OSBPL9: variants seen among roughly 807,000 people sequenced by gnomAD.
The protein encoded by OSBPL9 is oxysterol binding protein like 9.
OSBPL9 carries 40 observed loss-of-function variants against 106.6 expected under a neutral mutation model. The ratio of observed to expected loss-of-function variants is 0.38; its 90% CI spans 0.29 to 0.49. The LOEUF (loss-of-function observed/expected upper bound fraction) is 0.49, where lower values mean the gene tolerates loss of function less well. OSBPL9 is among the 20% of genes least tolerant of loss of function. OSBPL9 has a pLI of 0.97. For missense variants in OSBPL9, 609 were observed against 887.2 expected (o/e 0.69, Z 3.98); for synonymous variants, 269 against 295.4 (o/e 0.91, Z 0.92).
intron 7 of OSBPL9, 89 bp downstream of exon 7, chr1:51,748,487 G>A (rs757425244): frequency 9.3e-6 from 12 of 1,297,130 alleles, no homozygotes; most frequent in Non-Finnish European, 1.2e-5. Context: ...ATTGATGACA[G>A]CAATTGAGAT....
intron 4 of OSBPL9, among the ~76,000 whole-genome samples, chr1:51,732,422 G>A (rs1664665057): frequency 6.6e-6 from 1 of 152,144 alleles, no homozygotes; most frequent in South Asian, 2.1e-4. Flanking sequence ...TATTTAGGAA[G>A]CTTTTCAGTA....
chr1:51,553,051 T>C, the OSBPL9 span, among the ~76,000 whole-genome samples: 1 of 152,004 alleles, frequency 6.6e-6, no homozygotes, highest in African/African-American at 2.4e-5. Flanking sequence ...GGTAATCAAG[T>C]ATTGGCCACA....
Position 51,787,742 on chromosome 1 carries a change from G to C in OSBPL9, c.2164G>C (p.Val722Leu). ...ATTTCATGAAGATGGAGAATGCTGG[G>C]TTTATGATGAACCATTACTGAAACG... ...RLFHEDGECW[V>L]YDEPLLKRLG... The change falls in exon 24 of 24, where the codon GTT becomes CTT. Residue 722 changes from valine (V) to leucine (L), a missense_variant. By Grantham distance (32) the Val-to-Leu change is conservative. Transcript: ENST00000428468. The C allele has an allele frequency of 6.2e-7, 1 of 1,613,710 alleles. No homozygotes were observed. The highest frequency in any genetic ancestry group is 8.5e-7 in the Non-Finnish European group (1 of 1,179,736).
intron 3 of OSBPL9, among the ~76,000 whole-genome samples, chr1:51,680,539 T>C (rs1652303684): frequency 6.6e-6 from 1 of 151,568 alleles, no homozygotes; most frequent in African/African-American, 2.4e-5. Flanking sequence ...TACGTGCCTG[T>C]AGTCCCAGCT....
chr1:51,602,018 C>CTTTTTTTTTTTTG (rs1645327059), intron 2 of OSBPL9, among the ~76,000 whole-genome samples: 1 of 76,406 alleles, frequency 1.3e-5, no homozygotes, highest in Non-Finnish European at 2.3e-5. Flanking sequence ...TCTTGGGGTT[C>CTTTTTTTTTTTTG]TTTTTTTTTT....
the OSBPL9 span, among the ~76,000 whole-genome samples, chr1:51,568,661 G>A: frequency 6.6e-6 from 1 of 152,298 alleles, no homozygotes; most frequent in South Asian, 2.1e-4. Flanking sequence ...CTGCTTCCCA[G>A]GTTCAAGCAA....
At chr1:51,683,982 G>A (rs1653197897) in intron 3 of OSBPL9, among the ~76,000 whole-genome samples, 2 of 152,028 alleles carry the variant, frequency 1.3e-5, no homozygotes, top group African/African-American at 2.4e-5. Context: ...TTAGACAGGA[G>A]GAATCAGTTC....
intron 3 of OSBPL9, among the ~76,000 whole-genome samples, chr1:51,670,219 G>T (rs1048202063): frequency 6.6e-6 from 1 of 152,178 alleles, no homozygotes; most frequent in Non-Finnish European, 1.5e-5. Context: ...AGTACCTCTT[G>T]TCTATTAGGA....
At chr1:51,572,679 A>C (rs768370062), upstream of OSBPL9, among the ~76,000 whole-genome samples, 55 of 152,312 alleles carry the variant, frequency 3.6e-4, no homozygotes, top group Non-Finnish European at 5.0e-4. Context: ...GCCTTGGGCA[A>C]ATAACCTCTC....
the OSBPL9 span, among the ~76,000 whole-genome samples, chr1:51,557,400 T>C: frequency 5.3e-5 from 8 of 152,242 alleles, no homozygotes; most frequent in Non-Finnish European, 1.0e-4. Context: ...TGCCTATTTG[T>C]TGGCTTTTCC....
rs1408471755 is a variant in OSBPL9, at chr1:51,787,766, C to T, written c.2188C>T (p.Arg730Cys). Reference sequence around the variant, plus strand: ...GGTTTATGATGAACCATTACTGAAACGTCTTGGTGCTGCCAAGCATTAGGT... The same window carrying T: ...GGTTTATGATGAACCATTACTGAAATGTCTTGGTGCTGCCAAGCATTAGGT... Reference protein sequence around the residue: ...CWVYDEPLLKRLGAAKH With the variant: ...CWVYDEPLLKCLGAAKH The change falls in exon 24 of 24, where the codon CGT becomes TGT. Residue 730 changes from arginine (R) to cysteine (C), a missense_variant. Arg to Cys is a radical substitution (Grantham distance 180, BLOSUM62 -3). This residue lies in a region of OSBPL9 where 132 missense variants were observed against 158.1 expected (regional missense o/e 0.83). Coordinates refer to ENST00000428468, the MANE Select transcript of OSBPL9 (RefSeq NM_024586.6). The T allele has an allele frequency of 2.5e-6, 4 of 1,613,040 alleles. No individual in the cohort carries two copies. The highest frequency in any genetic ancestry group is 1.3e-5 in the African/African-American group (1 of 74,878).
At chr1:51,739,177 C>T (rs1478918203) in intron 4 of OSBPL9, among the ~76,000 whole-genome samples, 3 of 151,838 alleles carry the variant, frequency 2.0e-5, no homozygotes, top group Non-Finnish European at 4.4e-5. Context: ...TCATTAATTC[C>T]TTTTAAACAT....
chr1:51,581,016 C>T (rs1230797973), intron 1 of OSBPL9, among the ~76,000 whole-genome samples: 1 of 137,976 alleles, frequency 7.2e-6, no homozygotes, highest in Non-Finnish European at 1.6e-5. Context: ...ATGACCTTTA[C>T]TCACTGCAAC....
At chr1:51,677,911 C>T (rs1264250119) in intron 3 of OSBPL9, among the ~76,000 whole-genome samples, 1 of 151,932 alleles carries the variant, frequency 6.6e-6, no homozygotes, top group Non-Finnish European at 1.5e-5. Context: ...CAGCGGCTCA[C>T]ACCCGTAATC....
At chr1:51,782,261 A>G (rs993655374) in intron 16 of OSBPL9, among the ~76,000 whole-genome samples, 3 of 152,228 alleles carry the variant, frequency 2.0e-5, no homozygotes, top group Non-Finnish European at 2.9e-5. Flanking sequence ...CACTACGTAT[A>G]GTCCATACTG....
At position 51,729,301 on chromosome 1, in the gene OSBPL9, T is replaced by C. The variant is rs1663725718; in HGVS notation, c.318+15222T>C. The C allele has an allele frequency of 6.6e-6, 1 of 152,496 alleles. No homozygotes were observed. The highest frequency in any genetic ancestry group is 2.4e-5 in the African/African-American group (1 of 41,412). 9.4% of individuals were successfully genotyped at this position (152,496 alleles called of 1,614,324 possible). On this transcript the variant is annotated intron_variant, in intron 4 of 23. Transcript: ENST00000428468. This position sits in a 1 kb window ranked among gnomAD's most constrained non-coding sequence, Gnocchi z 5.1. ...ACTTTCCGGAAGTAAGCAAAATCCG[T>C]TATCAAGGTGAAACTCCGGGGACCA... is the stretch of plus-strand genomic sequence containing the variant.
At chr1:51,655,579 C>G (rs1646769698) in intron 2 of OSBPL9, among the ~76,000 whole-genome samples, 1 of 152,138 alleles carries the variant, frequency 6.6e-6, no homozygotes, top group Admixed American at 6.5e-5. Context: ...ATAATTACTC[C>G]TGCGATATCA....
intron 1 of OSBPL9, among the ~76,000 whole-genome samples, chr1:51,641,770 TC>T (rs1645807487): frequency 6.6e-6 from 1 of 152,186 alleles, no homozygotes; most frequent in Admixed American, 6.5e-5. Flanking sequence ...TTTCTCAGCT[TC>T]CTGGGAGCAC....
At chr1:51,626,694 T>A (rs941617124) in intron 1 of OSBPL9, among the ~76,000 whole-genome samples, 6 of 151,920 alleles carry the variant, frequency 3.9e-5, no homozygotes, top group Non-Finnish European at 7.4e-5. Context: ...TTTGCTTTTT[T>A]TTTTTGGTAG....
Sources: allele counts gnomAD v4.1 joint callset (sites outside exome capture counted in the v4.1 genomes callset), GRCh38; gene constraint gnomAD v4.1.1; regional missense constraint gnomAD v4.1.1; non-coding constraint Gnocchi (gnomAD v3.1); transcripts MANE v1.5; gene names NCBI Gene and HGNC (gene_info 2026-07-23, HGNC 2026-07-21).